The following CCDC32 variants were observed in gnomAD, a reference collection of about 807,000 sequenced individuals.
The protein encoded by CCDC32 is coiled-coil domain-containing protein 32.
A neutral mutation model predicts 20.1 loss-of-function variants in CCDC32; 9 were observed. The observed-to-expected ratio is 0.45, with a 90% CI of 0.27 to 0.78. The LOEUF (loss-of-function observed/expected upper bound fraction) is 0.78. CCDC32 is among the 30% of genes least tolerant of loss of function. CCDC32 has a pLI of 0.16. For missense variants in CCDC32, 204 were observed against 215.5 expected (o/e 0.95, Z 0.33); for synonymous variants, 63 against 79.0 (o/e 0.80, Z 1.07).
chr15:40,558,962 C>T (rs1195742319), intron 2 of CCDC32, among the ~76,000 whole-genome samples: 7 of 151,974 alleles, frequency 4.6e-5, no homozygotes, highest in Admixed American at 6.6e-5. Flanking sequence ...CACCATCACA[C>T]GTGGCTAATT....
At position 40,557,305 on chromosome 15, in the gene CCDC32, C is replaced by A. The variant is rs775144580; in HGVS notation, c.312G>T (p.Leu104=). ...CCCAGCATTCCTTCTTGGCTTGGGC[C>A]AGAGTTCGAAGCATGTCCTTGGAAG... ...EVTSKDMLRT[L]AQAKKECWDR... is the part of the protein sequence containing the mutation. Residue 104 remains leucine (L), a synonymous_variant, in exon 3 of 4, where the codon CTG becomes CTT. Coordinates refer to ENST00000416810, the MANE Select transcript of CCDC32 (RefSeq NM_001080792.4). 2 of 1,614,180 alleles carry A rather than the reference C, an allele frequency of 1.2e-6. No homozygotes were observed. The highest frequency in any genetic ancestry group is 3.3e-5 in the Admixed American group (2 of 60,012).
chr15:40,547,347 T>C (rs2141620485), intron 3 of CCDC32, among the ~76,000 whole-genome samples: 2 of 152,244 alleles, frequency 1.3e-5, no homozygotes, highest in East Asian at 1.9e-4. Context: ...AGGGCAGGGT[T>C]GATTCTGTTA....
chr15:40,551,835 A>C, downstream of CCDC32, among the ~76,000 whole-genome samples: 1 of 131,888 alleles, frequency 7.6e-6, no homozygotes, highest in African/African-American at 2.7e-5. Context: ...AAAAAAAAAA[A>C]AAGGTTAACC....
chr15:40,563,921 C>A (rs1363130137), intron 1 of CCDC32, among the ~76,000 whole-genome samples: 1 of 151,886 alleles, frequency 6.6e-6, no homozygotes, highest in African/African-American at 2.4e-5. Context: ...CCCGGGTTCA[C>A]GCCATTCTCC....
intron 3 of CCDC32, among the ~76,000 whole-genome samples, chr15:40,541,452 C>G (rs1889391009): frequency 2.6e-5 from 4 of 152,070 alleles, no homozygotes; most frequent in Non-Finnish European, 2.9e-5. Flanking sequence ...CCTGTCTCAT[C>G]CTCCCAAGTA....
intron 1 of CCDC32, among the ~76,000 whole-genome samples, chr15:40,563,844 A>G (rs1268605479): frequency 8.1e-5 from 12 of 148,854 alleles, no homozygotes; most frequent in Non-Finnish European, 1.6e-4. Context: ...TTTTTGAGAC[A>G]GAGTCTCGCT....
intron 3 of CCDC32, among the ~76,000 whole-genome samples, chr15:40,556,303 A>G (rs1170682003): frequency 6.6e-6 from 1 of 152,202 alleles, no homozygotes; most frequent in African/African-American, 2.4e-5. Context: ...CCCAAAGCAC[A>G]TTCTGTCACT....
chr15:40,526,051 C>T (rs1353880871), downstream of CCDC32, among the ~76,000 whole-genome samples: 2 of 151,878 alleles, frequency 1.3e-5, no homozygotes, highest in East Asian at 1.9e-4. Context: ...ACCTCTGCAA[C>T]AACACCTGTG....
chr15:40,529,154 T>C (rs1888806006), intron 3 of CCDC32, among the ~76,000 whole-genome samples: 1 of 152,214 alleles, frequency 6.6e-6, no homozygotes. Context: ...ACAACCTTGG[T>C]GCACAATATG....
intron 3 of CCDC32, among the ~76,000 whole-genome samples, chr15:40,543,936 A>G (rs1042662235): frequency 6.6e-6 from 1 of 152,176 alleles, no homozygotes; most frequent in Non-Finnish European, 1.5e-5. Context: ...CATTTCCACT[A>G]TTGATTCCTA....
chr15:40,539,144 C>T, downstream of CCDC32: 1 of 1,043,102 alleles, frequency 9.6e-7, no homozygotes, highest in East Asian at 2.6e-5. Flanking sequence ...GTAGTTGTTG[C>T]TGTTTCTCCC....
At chr15:40,539,187 G>T (rs1334793345), downstream of CCDC32, 1 of 1,465,754 alleles carries the variant, frequency 6.8e-7, no homozygotes, top group Admixed American at 2.0e-5. Context: ...CCACAGAAAG[G>T]TCAATCCCAC....
intron 3 of CCDC32, among the ~76,000 whole-genome samples, chr15:40,555,599 A>C (rs1301001389): frequency 6.6e-6 from 1 of 152,232 alleles, no homozygotes; most frequent in Non-Finnish European, 1.5e-5. Context: ...TAATTTCCTG[A>C]ACCCTCAGAG....
intron 2 of CCDC32, among the ~76,000 whole-genome samples, chr15:40,561,621 G>T (rs1257218845): frequency 6.6e-6 from 1 of 152,070 alleles, no homozygotes; most frequent in East Asian, 1.9e-4. Flanking sequence ...TGGGTGATGG[G>T]TGCACTAAAA....
chr15:40,559,029 C>T (rs1310107040), intron 2 of CCDC32, among the ~76,000 whole-genome samples: 1 of 151,902 alleles, frequency 6.6e-6, no homozygotes, highest in Non-Finnish European at 1.5e-5. Flanking sequence ...GTCTTGAACT[C>T]CTGACCTCAT....
downstream of CCDC32, among the ~76,000 whole-genome samples, chr15:40,532,849 G>A (rs934827696): frequency 3.3e-5 from 5 of 150,768 alleles, no homozygotes; most frequent in East Asian, 1.9e-4. Context: ...AGGCTGGCGC[G>A]TGCCACCAGA....
downstream of CCDC32, chr15:40,535,999 A>T (rs1418146498): frequency 2.0e-5 from 3 of 152,256 alleles, no homozygotes; most frequent in Non-Finnish European, 2.9e-5. Flanking sequence ...GCCCATGAGG[A>T]AGGTTAATCC....
At position 40,562,854 on chromosome 15, in the gene CCDC32, C is replaced by A. The variant is rs1398932585; in HGVS notation, c.162G>T (p.Arg54Ser). 2 of 1,614,236 alleles carry A rather than the reference C, an allele frequency of 1.2e-6. No individual in the cohort carries two copies. The highest frequency in any genetic ancestry group is 1.6e-4 in the Middle Eastern group (1 of 6,062). ...GCTGGACAGCAAAGTCAGCCACCTC[C>A]CTCTGGCCTTCACCTTCAGGGCAAG... ...VDSCPEGEGQ[R>S]EVADFAVQPA... Residue 54 changes from arginine to serine, a missense_variant, in exon 2 of 4, where the codon AGG becomes AGT. By Grantham distance (110) the Arg-to-Ser change is moderately radical. Transcript: ENST00000416810.
chr15:40,560,575 A>G (rs892306307), intron 2 of CCDC32, among the ~76,000 whole-genome samples: 1 of 152,256 alleles, frequency 6.6e-6, no homozygotes, highest in South Asian at 2.1e-4. Flanking sequence ...ACATTTCTCA[A>G]TGGGATTTGA....
Sources: gnomAD v4.1 joint callset for allele counts (sites outside exome capture counted in the v4.1 genomes callset) on GRCh38, gnomAD v4.1.1 for gene constraint, MANE v1.5 for transcripts, NCBI Gene and HGNC (gene_info 2026-07-23, HGNC 2026-07-21) for gene names.